DNAH12: variants seen among roughly 807,000 people sequenced by gnomAD.
DNAH12 encodes the protein axonemal beta dynein heavy chain 12.
In DNAH12, 285 loss-of-function variants were observed where a neutral mutation model predicts 371.5. The ratio of observed to expected loss-of-function variants is 0.77; its 90% CI spans 0.70 to 0.85. The LOEUF is 0.85. DNAH12 is among the 40% of genes least tolerant of loss of function. DNAH12 has a pLI of 0.00. For missense variants in DNAH12, 3,611 were observed against 3,689.4 expected, an observed-to-expected ratio of 0.98 and a Z score of 0.55; for synonymous variants, 1,200 against 1,213.0, an observed-to-expected ratio of 0.99 and a Z score of 0.22.
intron 66 of DNAH12, among the ~76,000 whole-genome samples, chr3:57,311,472 A>G (rs2061583063): frequency 6.6e-6 from 1 of 152,248 alleles, no homozygotes; most frequent in Non-Finnish European, 1.5e-5. Context: ...TTAATAAAAA[A>G]AGACGACATG....
chr3:57,373,295 A>G (rs2063213908), intron 55 of DNAH12, among the ~76,000 whole-genome samples: 1 of 148,470 alleles, frequency 6.7e-6, no homozygotes, highest in Non-Finnish European at 1.5e-5. Flanking sequence ...CAGTGGTTAT[A>G]GTTAATCTAT....
chr3:57,304,588 G>T (rs911218538), intron 69 of DNAH12, among the ~76,000 whole-genome samples: 20 of 152,144 alleles, frequency 1.3e-4, no homozygotes, highest in Admixed American at 1.2e-3. Context: ...CTCCGGCGCT[G>T]AACATGGACT....
Position 57,323,114 on chromosome 3 carries a change from G to C in DNAH12, c.10276C>G (p.Leu3426Val), listed in dbSNP as rs1205208705. 2.6e-6 allele frequency: 4 copies of C among 1,552,312 alleles called. No homozygotes were observed. The highest frequency in any genetic ancestry group is 3.5e-6 in the Non-Finnish European group (4 of 1,147,168). ...GTWVCLQNCHLAVSWMPMLEK... is the reference protein window; with the variant it reads ...GTWVCLQNCHVAVSWMPMLEK... ...AACATGGGCATCCAGGACACTGCAA[G>C]ATGGCAATTCTGTAGGCACACCCAA... Residue 3426 changes from leucine (L) to valine (V), a missense_variant, in exon 64 of 74, where the codon CTT (leucine) becomes GTT (valine). By Grantham distance (32) the Leu-to-Val change is conservative. Coordinates refer to ENST00000495027, the MANE Select transcript of DNAH12 (RefSeq NM_001366028.2).
chr3:57,415,122 T>G (rs149486540), intron 38 of DNAH12, among the ~76,000 whole-genome samples: 2 of 144,576 alleles, frequency 1.4e-5, no homozygotes, highest in African/African-American at 2.5e-5. Flanking sequence ...CCCCACCCTA[T>G]GTGTGTGTTT....
chr3:57,323,654 C>G, intron 62 of DNAH12, 35 bp from the exon 63 acceptor site: 1 of 1,477,204 alleles, frequency 6.8e-7, no homozygotes, highest in Non-Finnish European at 9.0e-7. Context: ...TTTAGAGCAA[C>G]TTTTATTTCA....
Position 57,533,539 on chromosome 3 carries a change from G to T in DNAH12, c.170+9162C>A, listed in dbSNP as rs543505667. ...TGAGTATTGCTGATAGTTATTCAAG[G>T]CCCAAGGGCTCTTTAGTCAGTAAGT... is the stretch of plus-strand genomic sequence containing the variant. On this transcript the variant is annotated intron_variant, in intron 2 of 73. Coordinates refer to ENST00000495027, the MANE Select transcript of DNAH12 (RefSeq NM_001366028.2). Among the ~76,000 whole-genome samples, 4 of 152,232 alleles carry T rather than the reference G, an allele frequency of 2.6e-5. No homozygotes were observed. The South Asian group carries it at 8.3e-4, about 32-fold the overall frequency.
rs942544521 is a variant in DNAH12, at chr3:57,301,378, C to T, written c.11394+357G>A. Among the ~76,000 whole-genome samples the T allele has an allele frequency of 8.0e-5, 12 of 150,292 alleles. No homozygotes were observed. The East Asian group carries it at 2.1e-3, about 27-fold the overall frequency. On this transcript the variant is annotated intron_variant, in intron 70 of 73. Transcript: ENST00000495027. ...ACTTTAAACTGTGGTCTTACAGGAC[C>T]ACAAACTTAGAATCTTGGTCTCAGA...
chr3:57,444,671 T>TA, intron 29 of DNAH12, 26 bp downstream of exon 29: 1 of 1,546,614 alleles, frequency 6.5e-7, no homozygotes, highest in South Asian at 1.2e-5. Flanking sequence ...TTATGCCGAA[T>TA]AAGTCATTCT....
chr3:57,523,043 C>T (rs1356626565), intron 4 of DNAH12, among the ~76,000 whole-genome samples: 1 of 151,580 alleles, frequency 6.6e-6, no homozygotes, highest in Non-Finnish European at 1.5e-5. Flanking sequence ...AAAATATTTA[C>T]GTAATTAATC....
In DNAH12 at chr3:57,437,059, T is replaced by C; in HGVS notation, c.4547A>G (p.Glu1516Gly). The change falls in exon 30 of 74, where the codon GAA becomes GGA. Residue 1516 changes from glutamate to glycine, a missense_variant and splice_region_variant. Physicochemically the swap from Glu to Gly is moderately conservative, Grantham distance 98. Transcript: ENST00000495027. The stretch of plus-strand genomic sequence containing the variant: ...GGCTTCATGAGCACATTCCAAAAAT[T>C]CCTGAAATAAAAAAAAGTAATGCAT... ...GIKLPEADYH[E>G]FLECAHEACN... The C allele has an allele frequency of 6.6e-7, 1 of 1,517,198 alleles. No homozygotes were observed. Among genetic ancestry groups the C allele is most frequent in the Non-Finnish European group, 8.8e-7 (1 of 1,136,022 alleles). The allele number at this position is 1,517,198 out of a possible 1,614,324, so 94.0% of individuals were successfully genotyped here. A position where few individuals can be genotyped will look rare whatever the true frequency, so the allele number is the denominator to read the frequency against.
chr3:57,499,144 G>A lies in DNAH12; in HGVS notation c.1335+2177C>T, dbSNP rs529782543. ...TATGTATATATGATTCTATTTATCT[G>A]AAACTTTAGAAAACAAAAACCTAAT... On this transcript the variant is annotated intron_variant, in intron 11 of 73. Coordinates refer to ENST00000495027, the MANE Select transcript of DNAH12 (RefSeq NM_001366028.2). Among the ~76,000 whole-genome samples, 43 of 152,228 alleles carry A rather than the reference G, an allele frequency of 2.8e-4. 1 individual carries two copies. The South Asian group carries it at 8.9e-3, about 32-fold the overall frequency.
intron 11 of DNAH12, among the ~76,000 whole-genome samples, chr3:57,492,462 A>C (rs1047545582): frequency 6.6e-6 from 1 of 151,856 alleles, no homozygotes; most frequent in Non-Finnish European, 1.5e-5. Flanking sequence ...CTCCAACTCA[A>C]ATAAATAAAT....
chr3:57,424,918 C>T (rs1007152051), intron 35 of DNAH12, 104 bp downstream of exon 35: 1 of 569,602 alleles, frequency 1.8e-6, no homozygotes, highest in Non-Finnish European at 3.1e-6. Context: ...CAATGCTCAC[C>T]AAAAAATAGC....
chr3:57,357,995 C>T (rs1178457791), intron 58 of DNAH12, among the ~76,000 whole-genome samples: 2 of 152,184 alleles, frequency 1.3e-5, no homozygotes, highest in African/African-American at 2.4e-5. Flanking sequence ...AGCTCTTCAA[C>T]TCAATCGGAT....
At chr3:57,442,672 TCATAAGAGTA>T (rs765496036) in intron 29 of DNAH12, among the ~76,000 whole-genome samples, 2 of 152,228 alleles carry the variant, frequency 1.3e-5, no homozygotes, top group African/African-American at 2.4e-5. Context: ...ATTGCAGTAT[TCATAAGAGTA>T]CATAAGAGTT....
At chr3:57,505,815 C>T (rs1402908495) in intron 8 of DNAH12, among the ~76,000 whole-genome samples, 2 of 152,082 alleles carry the variant, frequency 1.3e-5, no homozygotes, top group Admixed American at 1.3e-4. Context: ...TAGTTCACAG[C>T]AGGCTCGAGC....
chr3:57,385,893 G>A (rs1309655347), intron 47 of DNAH12, among the ~76,000 whole-genome samples: 1 of 152,050 alleles, frequency 6.6e-6, no homozygotes, highest in African/African-American at 2.4e-5. Context: ...AAAAGAAAGT[G>A]TGGGTCAGTT....
chr3:57,523,462 C>T (rs1317989627), intron 4 of DNAH12, 121 bp downstream of exon 4: 1 of 760,542 alleles, frequency 1.3e-6, no homozygotes, highest in Admixed American at 3.4e-5. Flanking sequence ...AAAATAAAAA[C>T]CTCAGTTTCT....
chr3:57,310,872 C>G lies in DNAH12; in HGVS notation c.10741G>C (p.Val3581Leu), dbSNP rs2061569554. The G allele has an allele frequency of 1.3e-6, 2 of 1,551,622 alleles. No homozygotes were observed. The highest frequency in any genetic ancestry group is 2.4e-5 in the East Asian group (1 of 40,906). ...LTGECNYGGRVTDDWDRRLLL... is the reference protein window; with the variant it reads ...LTGECNYGGRLTDDWDRRLLL... ...AGACGTCTGTCCCAATCGTCTGTCA[C>G]TCTTCCTCCATAATTACACTCCCCA... Residue 3581 changes from valine to leucine, a missense_variant, in exon 67 of 74, where the codon GTG (valine) becomes CTG (leucine). Around this residue, in one of 3 missense-constraint regions of DNAH12, gnomAD observed 2,266 missense variants for 2,236.9 expected, o/e 1.01. Transcript: ENST00000495027.
Sources: gnomAD v4.1 joint callset for allele counts (sites outside exome capture counted in the v4.1 genomes callset) on GRCh38, gnomAD v4.1.1 for gene constraint, gnomAD v4.1.1 regional missense constraint, MANE v1.5 for transcripts, NCBI Gene and HGNC (gene_info 2026-07-23, HGNC 2026-07-21) for gene names.